HAVCR1: variants seen among roughly 807,000 people sequenced by gnomAD.
HAVCR1 encodes the protein hepatitis A virus cellular receptor 1, also known as T cell immunoglobin domain and mucin domain protein 1.
Under a neutral mutation model 32.0 loss-of-function variants are expected in HAVCR1, and 34 were observed. The ratio of observed to expected loss-of-function variants is 1.06; its 90% CI spans 0.81 to 1.42. The LOEUF is 1.42. HAVCR1 is among the 40% of genes most tolerant of loss of function. HAVCR1 has a pLI of 0.00. For synonymous variants in HAVCR1, 178 were observed against 170.3 expected (o/e 1.05, Z -0.35); for missense variants, 420 against 442.3 (o/e 0.95, Z 0.45).
At chr5:157,066,806 G>T in the HAVCR1 span, among the ~76,000 whole-genome samples, 1 of 152,172 alleles carries the variant, frequency 6.6e-6, no homozygotes, top group Non-Finnish European at 1.5e-5. Flanking sequence ...AGCAGTAAGG[G>T]CCGGGCACGG....
At chr5:157,040,752 T>C (rs931021181) in intron 6 of HAVCR1, among the ~76,000 whole-genome samples, 3 of 152,140 alleles carry the variant, frequency 2.0e-5, no homozygotes, top group Admixed American at 6.5e-5. Context: ...ACACAAAAAC[T>C]AGCCAGGCAT....
chr5:157,046,411 C>T (rs1755399354), intron 5 of HAVCR1, among the ~76,000 whole-genome samples: 1 of 152,130 alleles, frequency 6.6e-6, no homozygotes, highest in South Asian at 2.1e-4. Flanking sequence ...CTTTCTCCAT[C>T]ACAAGGAAAG....
upstream of HAVCR1, among the ~76,000 whole-genome samples, chr5:157,060,221 T>A (rs993160099): frequency 2.0e-5 from 3 of 149,724 alleles, no homozygotes; most frequent in Non-Finnish European, 4.5e-5. Context: ...CTCAGAAAAA[T>A]AATAATAATA....
intron 6 of HAVCR1, among the ~76,000 whole-genome samples, chr5:157,039,028 G>A (rs1581686936): frequency 6.6e-6 from 1 of 152,244 alleles, no homozygotes; most frequent in East Asian, 1.9e-4. Flanking sequence ...CTTGGGGTGG[G>A]AGGATCACTT....
At chr5:157,046,294 G>C (rs1443324453) in intron 5 of HAVCR1, among the ~76,000 whole-genome samples, 1 of 152,200 alleles carries the variant, frequency 6.6e-6, no homozygotes, top group Non-Finnish European at 1.5e-5. Flanking sequence ...CAAGGACACA[G>C]AGCCAGCTCA....
chr5:157,064,375 G>A, the HAVCR1 span, among the ~76,000 whole-genome samples: 1 of 150,844 alleles, frequency 6.6e-6, no homozygotes, highest in African/African-American at 2.4e-5. Flanking sequence ...AGAAAAATTA[G>A]CCAGGCATGC....
chr5:157,055,612 T>C, intron 2 of HAVCR1, 79 bp from the exon 3 acceptor site: 2 of 893,008 alleles, frequency 2.2e-6, no homozygotes, highest in South Asian at 3.7e-5. Context: ...ACGCCTGTAA[T>C]CCAAGAACTT....
chr5:157,051,600 G>C (rs1352536567), intron 4 of HAVCR1, among the ~76,000 whole-genome samples: 2 of 151,926 alleles, frequency 1.3e-5, no homozygotes, highest in African/African-American at 2.4e-5. Flanking sequence ...GTGCAATCAT[G>C]GCTCACTGTA....
chr5:157,056,904 AT>A, intron 2 of HAVCR1, among the ~76,000 whole-genome samples: 1 of 152,252 alleles, frequency 6.6e-6, no homozygotes, highest in East Asian at 1.9e-4. Context: ...TAAAGTGTTT[AT>A]TTCAAAATAA....
At chr5:157,050,412 T>C (rs1205296124) in intron 4 of HAVCR1, among the ~76,000 whole-genome samples, 1 of 152,178 alleles carries the variant, frequency 6.6e-6, no homozygotes, top group Non-Finnish European at 1.5e-5. Context: ...AGCAAGCAGG[T>C]ACTAGGGGCA....
Position 157,049,085 on chromosome 5 carries a change from G to A in HAVCR1, c.734C>T (p.Ala245Val). Reference sequence around the variant, plus strand: ...TGAGCTGGTGGGTTCTCTCCTTATTGCTCCCTGCAGTGTCGTAGGGTGGGT... The same window carrying A: ...TGAGCTGGTGGGTTCTCTCCTTATTACTCCCTGCAGTGTCGTAGGGTGGGT... The part of the protein sequence containing the change: ...AETHPTTLQG[A>V]IRREPTSSPL... Residue 245 changes from alanine to valine, a missense_variant, in exon 5 of 9, where the codon GCA becomes GTA. Ala to Val is a moderately conservative substitution (Grantham distance 64, BLOSUM62 0). Coordinates refer to ENST00000523175, the MANE Select transcript of HAVCR1 (RefSeq NM_001173393.3). 6.2e-7 allele frequency: 1 copy of A among 1,612,842 alleles called. No homozygotes were observed. The highest frequency in any genetic ancestry group is 8.5e-7 in the Non-Finnish European group (1 of 1,178,854).
chr5:157,068,199 G>A, the HAVCR1 span, among the ~76,000 whole-genome samples: 2 of 151,962 alleles, frequency 1.3e-5, no homozygotes, highest in Non-Finnish European at 2.9e-5. Flanking sequence ...GCTTGAACTT[G>A]GGAGGTGGAG....
chr5:157,050,758 T>C (rs1045579597), intron 4 of HAVCR1, among the ~76,000 whole-genome samples: 14 of 152,206 alleles, frequency 9.2e-5, no homozygotes, highest in Admixed American at 8.5e-4. Context: ...CTCTCTAGTG[T>C]GTGCGGCTGC....
intron 4 of HAVCR1, among the ~76,000 whole-genome samples, chr5:157,051,734 C>T (rs1203355298): frequency 1.3e-5 from 2 of 152,100 alleles, no homozygotes; most frequent in African/African-American, 4.8e-5. Flanking sequence ...GTTTTGAACT[C>T]CTCGGCTAAA....
At chr5:157,036,699 T>C (rs574528893) in intron 7 of HAVCR1, among the ~76,000 whole-genome samples, 19 of 152,206 alleles carry the variant, frequency 1.2e-4, no homozygotes, top group Non-Finnish European at 2.4e-4. Flanking sequence ...CTTTTTCTTT[T>C]TGTTCTTTTC....
intron 8 of HAVCR1, among the ~76,000 whole-genome samples, chr5:157,031,608 G>C (rs1754175085): frequency 1.3e-5 from 2 of 152,086 alleles, no homozygotes; most frequent in South Asian, 4.1e-4. Flanking sequence ...CGGATCACCT[G>C]AGGTGAGGAG....
At chr5:157,051,107 C>T (rs1445733265) in intron 4 of HAVCR1, among the ~76,000 whole-genome samples, 1 of 152,132 alleles carries the variant, frequency 6.6e-6, no homozygotes, top group African/African-American at 2.4e-5. Flanking sequence ...AAGCTATTTC[C>T]CTACCTATAA....
rs778897151 is a variant in HAVCR1 at position 157,049,034 on chromosome 5, T to C, written c.781+4A>G. The C allele has an allele frequency of 6.6e-6, 10 of 1,510,836 alleles. No homozygotes were observed. The East Asian group carries it at 1.6e-4, about 24-fold the overall frequency. 93.6% of individuals were successfully genotyped at this position (1,510,836 alleles called of 1,614,324 possible). On this transcript the variant is annotated splice_donor_region_variant and intron_variant, in intron 5 of 8. Transcript: ENST00000523175. ...CAGGTCTTCAGGAAAGAGAACGCAG[T>C]TACCTGTTGTGTAAGAGTACAATGG... is the stretch of plus-strand genomic sequence containing the variant.
upstream of HAVCR1, among the ~76,000 whole-genome samples, chr5:157,060,842 C>G (rs942919008): frequency 6.6e-6 from 1 of 152,122 alleles, no homozygotes; most frequent in Non-Finnish European, 1.5e-5. Flanking sequence ...ACAGCAGCCA[C>G]TAGCCACATA....
Sources: gnomAD v4.1 joint callset for allele counts (sites outside exome capture counted in the v4.1 genomes callset) on GRCh38, gnomAD v4.1.1 for gene constraint, MANE v1.5 for transcripts, NCBI Gene and HGNC (gene_info 2026-07-23, HGNC 2026-07-21) for gene names.